The following ENKUR variants were observed in gnomAD, a reference collection of about 807,000 sequenced individuals.
The protein encoded by ENKUR is enkurin.
In ENKUR, 19 loss-of-function variants were observed where a neutral mutation model predicts 27.6. The observed-to-expected ratio is 0.69, with a 90% CI of 0.48 to 1.01. The LOEUF (loss-of-function observed/expected upper bound fraction) is 1.01. ENKUR is among the 50% of genes least tolerant of loss of function. The pLI, the probability that ENKUR is intolerant of heterozygous loss-of-function variation, is 0.00. For synonymous variants in ENKUR, 117 were observed against 96.9 expected (o/e 1.21, Z -1.22); for missense variants, 312 against 310.5 (o/e 1.00, Z -0.04).
chr10:25,007,806 A>C (rs190215296), intron 1 of ENKUR, among the ~76,000 whole-genome samples: 4 of 152,072 alleles, frequency 2.6e-5, no homozygotes, highest in African/African-American at 9.6e-5. Context: ...TGGAAGCCAC[A>C]ATGTTCCTTG....
At chr10:25,048,229 C>T (rs898496497) in intron 2 of ENKUR, among the ~76,000 whole-genome samples, 5 of 151,812 alleles carry the variant, frequency 3.3e-5, no homozygotes, top group Non-Finnish European at 7.4e-5. Flanking sequence ...AGGGAGGAGC[C>T]GAGAGAATAC....
chr10:25,057,644 T>C (rs559162091), intron 2 of ENKUR, among the ~76,000 whole-genome samples: 1 of 152,282 alleles, frequency 6.6e-6, no homozygotes, highest in African/African-American at 2.4e-5. Flanking sequence ...CTTGTACCAC[T>C]ACCTCTGTGG....
chr10:25,011,806 A>T (rs1298541572), intron 1 of ENKUR, among the ~76,000 whole-genome samples: 2 of 152,252 alleles, frequency 1.3e-5, no homozygotes, highest in Non-Finnish European at 2.9e-5. Context: ...AATAGAAAAG[A>T]AAAACCAATT....
intron 1 of ENKUR, among the ~76,000 whole-genome samples, chr10:25,011,742 T>C (rs891311695): frequency 1.3e-5 from 2 of 152,182 alleles, no homozygotes; most frequent in East Asian, 1.9e-4. Context: ...TGGCAACTTA[T>C]GTTTAAAAGG....
At chr10:25,057,788 C>G (rs1408402308) in intron 2 of ENKUR, among the ~76,000 whole-genome samples, 1 of 152,084 alleles carries the variant, frequency 6.6e-6, no homozygotes, top group Non-Finnish European at 1.5e-5. Flanking sequence ...TAAGAGGCAG[C>G]CTGCACCTGT....
Position 24,998,981 on chromosome 10 carries a change from T to C in ENKUR, c.223+420A>G, listed in dbSNP as rs78335425. ...AAGCCCGTACTCAAAATGAGCCCAG[T>C]AGTTGCTTCAACAACTGGTAGTAAT... On this transcript the variant is annotated intron_variant, in intron 2 of 5. Coordinates refer to ENST00000331161, the MANE Select transcript of ENKUR (RefSeq NM_145010.4). Among the ~76,000 whole-genome samples, 1,221 of 152,302 alleles carry C rather than the reference T, an allele frequency of 8.0e-3. 21 individuals carry two copies. The highest frequency in any genetic ancestry group is 0.027 in the African/African-American group (1,127 of 41,560).
At chr10:25,034,184 A>G (rs538592115) in intron 2 of ENKUR, among the ~76,000 whole-genome samples, 4 of 152,148 alleles carry the variant, frequency 2.6e-5, no homozygotes, top group Non-Finnish European at 5.9e-5. Flanking sequence ...TGTGTTACAG[A>G]TTGTTTATAT....
At chr10:25,030,731 A>G (rs10828741) in intron 2 of ENKUR, among the ~76,000 whole-genome samples, 1 of 151,930 alleles carries the variant, frequency 6.6e-6, no homozygotes, top group Non-Finnish European at 1.5e-5. Context: ...TCTTTTTCCT[A>G]TCTTATATTG....
intron 2 of ENKUR, chr10:25,023,427 A>T: frequency 6.2e-7 from 1 of 1,614,180 alleles, no homozygotes; most frequent in South Asian, 1.1e-5. Context: ...GTGCTGGGAA[A>T]ACAACAGTAG....
intron 2 of ENKUR, 77 bp from the exon 3 acceptor site, chr10:24,995,946 T>G (rs929985799): frequency 8.5e-7 from 1 of 1,179,750 alleles, no homozygotes; most frequent in Non-Finnish European, 1.2e-6. Context: ...TATCCAGATA[T>G]TTCACCACTT....
chr10:25,051,928 C>A (rs1195659906), intron 2 of ENKUR, among the ~76,000 whole-genome samples: 1 of 152,182 alleles, frequency 6.6e-6, no homozygotes, highest in African/African-American at 2.4e-5. Context: ...AGCTAGGATA[C>A]CTAGTGGCTT....
Position 24,984,015 on chromosome 10 carries a change from G to A in ENKUR, c.*355C>T. ...GGAAAAAAACATTTAAATAAGATAT[G>A]CATAGTGAGTTGTGGAATAAAATAA... On this transcript the variant is annotated 3_prime_UTR_variant, in exon 6 of 6. Transcript: ENST00000331161. 1 of 216,144 alleles carries A rather than the reference G, an allele frequency of 4.6e-6. No individual in the cohort carries two copies. The highest frequency in any genetic ancestry group is 9.0e-6 in the Non-Finnish European group (1 of 110,734). 13.4% of individuals were successfully genotyped at this position (216,144 alleles called of 1,614,324 possible). A position where few individuals can be genotyped will look rare whatever the true frequency, so the allele number is the denominator to read the frequency against.
chr10:25,007,624 C>G (rs953840922), intron 1 of ENKUR, among the ~76,000 whole-genome samples: 12 of 152,136 alleles, frequency 7.9e-5, no homozygotes, highest in Non-Finnish European at 1.5e-4. Context: ...TTAGTAGAGA[C>G]GGGGTTTCAC....
At chr10:25,027,387 A>AAAAAAAAAAAAAAC (rs1850876645) in intron 2 of ENKUR, among the ~76,000 whole-genome samples, 1 of 139,356 alleles carries the variant, frequency 7.2e-6, no homozygotes, top group Non-Finnish European at 1.5e-5. Context: ...AAAAAAAAAA[A>AAAAAAAAAAAAAAC]CTAGCCAGGC....
At chr10:25,002,918 G>A (rs567840954) in intron 1 of ENKUR, among the ~76,000 whole-genome samples, 5 of 149,476 alleles carry the variant, frequency 3.3e-5, no homozygotes, top group African/African-American at 1.2e-4. Context: ...AATTTCATTT[G>A]GGGTAAAAAA....
intron 2 of ENKUR, among the ~76,000 whole-genome samples, chr10:25,048,491 G>A (rs3920009): frequency 0.016 from 2,357 of 151,944 alleles, 64 homozygotes; most frequent in African/African-American, 0.054. Flanking sequence ...ATAAAGGGAC[G>A]GGTAATGGGT....
At chr10:25,007,973 T>C (rs1204215532) in intron 1 of ENKUR, among the ~76,000 whole-genome samples, 1 of 148,510 alleles carries the variant, frequency 6.7e-6, no homozygotes, top group African/African-American at 2.4e-5. Context: ...CTGTGATATA[T>C]TATATATATG....
chr10:25,045,661 G>T (rs1322375538), intron 2 of ENKUR, among the ~76,000 whole-genome samples: 2 of 151,996 alleles, frequency 1.3e-5, no homozygotes, highest in Non-Finnish European at 2.9e-5. Context: ...AGAGACAAAA[G>T]AATCCCACTT....
intron 1 of ENKUR, among the ~76,000 whole-genome samples, chr10:25,004,386 TC>T (rs1850264858): frequency 6.6e-6 from 1 of 152,146 alleles, no homozygotes. Context: ...TAATTTACAC[TC>T]CCATCAGCAG....
Sources: allele counts gnomAD v4.1 joint callset (sites outside exome capture counted in the v4.1 genomes callset), GRCh38; gene constraint gnomAD v4.1.1; transcripts MANE v1.5; gene names NCBI Gene and HGNC (gene_info 2026-07-23, HGNC 2026-07-21).